Variants in PCDHGB4 observed in about 807,000 individuals in gnomAD.
PCDHGB4 encodes the protein protocadherin gamma-B4.
PCDHGB4 carries 38 observed loss-of-function variants against 60.5 expected under a neutral mutation model. That is an observed-to-expected ratio of 0.63 (90% CI 0.48 to 0.82). The LOEUF (loss-of-function observed/expected upper bound fraction) is 0.82. Ranked by LOEUF, PCDHGB4 falls within the 40% of genes least tolerant of loss-of-function variation. The pLI is 0.00. For missense variants in PCDHGB4, 1,109 were observed against 1,209.6 expected, an observed-to-expected ratio of 0.92 and a Z score of 1.23; for synonymous variants, 456 against 509.7, an observed-to-expected ratio of 0.89 and a Z score of 1.42.
At chr5:141,454,087 T>A (rs1251936767) in intron 1 of PCDHGB4, among the ~76,000 whole-genome samples, 4 of 152,198 alleles carry the variant, frequency 2.6e-5, no homozygotes, top group Non-Finnish European at 5.9e-5. Context: ...TCAGTGAAAT[T>A]TGAATTGAAC....
At chr5:141,428,147 G>A (rs771536400) in intron 1 of PCDHGB4, 2 of 1,589,610 alleles carry the variant, frequency 1.3e-6, no homozygotes, top group Admixed American at 1.7e-5. Context: ...GGCTGCACAC[G>A]GGAACCTGCT....
intron 1 of PCDHGB4, among the ~76,000 whole-genome samples, chr5:141,471,706 A>G (rs2099262749): frequency 6.6e-6 from 1 of 152,212 alleles, no homozygotes; most frequent in African/African-American, 2.4e-5. Context: ...CTGGAATAGA[A>G]GTGCCACTTA....
At chr5:141,443,109 C>A (rs373919534) in intron 1 of PCDHGB4, among the ~76,000 whole-genome samples, 2 of 152,100 alleles carry the variant, frequency 1.3e-5, no homozygotes, top group South Asian at 2.1e-4. Flanking sequence ...CTGAACCTTG[C>A]TTTTCAAACC....
At position 141,436,706 on chromosome 5, in the gene PCDHGB4, A is replaced by G. The variant is rs149478256; in HGVS notation, c.2397+46425A>G. 3.9e-3 allele frequency among the ~76,000 whole-genome samples: 587 copies of G among 152,318 alleles called. 6 individuals are homozygous for G. Among genetic ancestry groups the G allele is most frequent in the Admixed American group, 0.011 (169 of 15,304 alleles). On this transcript the variant is annotated intron_variant, in intron 1 of 3. Transcript: ENST00000519479. ...TATATTTTCAATGCCAGCACACTCG[A>G]TGTTCTGTTGGGAAAAATAATAATG...
chr5:141,486,400 T>G lies in PCDHGB4; in HGVS notation c.2398-8407T>G. On this transcript the variant is annotated intron_variant, in intron 1 of 3. Transcript: ENST00000519479. This position sits in a 1 kb window ranked among gnomAD's most constrained non-coding sequence, Gnocchi z 5.0. Reference sequence around the variant, plus strand: ...TCAGGAACCAGTTCTCCCTGGTGACTGCTGGACCCTTGGATCGAGAGGCCA... The same window carrying G: ...TCAGGAACCAGTTCTCCCTGGTGACGGCTGGACCCTTGGATCGAGAGGCCA... 5.0e-6 allele frequency: 8 copies of G among 1,614,194 alleles called. No homozygotes were observed. The highest frequency in any genetic ancestry group is 6.8e-6 in the Non-Finnish European group (8 of 1,180,028).
At chr5:141,437,761 C>T (rs1200327020) in intron 1 of PCDHGB4, among the ~76,000 whole-genome samples, 1 of 144,680 alleles carries the variant, frequency 6.9e-6, no homozygotes, top group African/African-American at 2.6e-5. Context: ...TTTTTTGAGA[C>T]AGAGTCTCAA....
At chr5:141,455,607 G>A (rs2098827849) in intron 1 of PCDHGB4, among the ~76,000 whole-genome samples, 1 of 152,248 alleles carries the variant, frequency 6.6e-6, no homozygotes, top group East Asian at 1.9e-4. Context: ...GGGCGCCATG[G>A]ATGTTCTAAA....
At chr5:141,400,394 G>A in intron 1 of PCDHGB4, 2 of 1,614,072 alleles carry the variant, frequency 1.2e-6, no homozygotes, top group Non-Finnish European at 1.7e-6. Context: ...GCACATACAG[G>A]AAAGACGGAG....
intron 1 of PCDHGB4, chr5:141,410,847 G>GTTTTTTT (rs773839667): frequency 8.8e-5 from 14 of 158,320 alleles, no homozygotes; most frequent in African/African-American, 4.2e-4. Flanking sequence ...TTTTGTCTTT[G>GTTTTTTT]TCTTTTTTTT....
rs992096722 is a variant in PCDHGB4, at chr5:141,413,506, A to G, written c.2397+23225A>G. 3 of 1,613,910 alleles carry G rather than the reference A, an allele frequency of 1.9e-6. No individual in the cohort carries two copies. The highest frequency in any genetic ancestry group is 2.7e-5 in the African/African-American group (2 of 74,954). On this transcript the variant is annotated intron_variant, in intron 1 of 3. Coordinates refer to ENST00000519479, the MANE Select transcript of PCDHGB4 (RefSeq NM_003736.4). ...GAGCGCGCGGTGCGTGGTGAGTTTT[A>G]ATATCCTTGTGGAAGACAGGGTGAA... is the stretch of plus-strand genomic sequence containing the variant.
intron 2 of PCDHGB4, among the ~76,000 whole-genome samples, chr5:141,504,422 T>G (rs1375202110): frequency 6.6e-6 from 1 of 152,078 alleles, no homozygotes; most frequent in Admixed American, 6.6e-5. Context: ...AGACAGGCAC[T>G]ACAACAGCTG....
chr5:141,476,366 G>T lies in PCDHGB4; in HGVS notation c.2398-18441G>T, dbSNP rs1025903110. The T allele has an allele frequency of 6.2e-7, 1 of 1,614,026 alleles. No individual in the cohort carries two copies. The highest frequency in any genetic ancestry group is 8.5e-7 in the Non-Finnish European group (1 of 1,180,028). On this transcript the variant is annotated intron_variant, in intron 1 of 3. Coordinates refer to ENST00000519479, the MANE Select transcript of PCDHGB4 (RefSeq NM_003736.4). The surrounding 1 kb of genome is among the most constrained non-coding windows in gnomAD (Gnocchi z 7.6). The stretch of plus-strand genomic sequence containing the variant: ...ATTCTTTGAGGTGAACCGGGAGACC[G>T]GAGAGATGTTTGTGAACGACCGTCT...
chr5:141,400,120 C>G, intron 1 of PCDHGB4: 1 of 1,614,076 alleles, frequency 6.2e-7, no homozygotes, highest in Non-Finnish European at 8.5e-7. Context: ...TGACAGCTTG[C>G]AGGAGGTGCT....
At chr5:141,455,503 T>C (rs1005615473) in intron 1 of PCDHGB4, among the ~76,000 whole-genome samples, 3 of 152,302 alleles carry the variant, frequency 2.0e-5, no homozygotes, top group Middle Eastern at 3.4e-3. Context: ...CTGATTTGCA[T>C]AGGGCTCAGG....
rs746311453 is a variant in PCDHGB4 at position 141,428,229 on chromosome 5, C to T, written c.2397+37948C>T. On this transcript the variant is annotated intron_variant, in intron 1 of 3. Coordinates refer to ENST00000519479, the MANE Select transcript of PCDHGB4 (RefSeq NM_003736.4). ...CGCTTCACCTAGTCTTCGCAGACAGCCTGCAGGAGGCACTGCCAGACTTCA... is the reference window on the plus strand; with the variant it reads ...CGCTTCACCTAGTCTTCGCAGACAGTCTGCAGGAGGCACTGCCAGACTTCA... 3 of 1,098,554 alleles carry T rather than the reference C, an allele frequency of 2.7e-6. No homozygotes were observed. In the South Asian group the frequency reaches 3.9e-5, roughly 14 times the overall value. The allele number at this position is 1,098,554 out of a possible 1,614,324, so 68.1% of individuals were successfully genotyped here.
chr5:141,411,868 A>AG (rs1463496640), intron 1 of PCDHGB4: 1 of 152,224 alleles, frequency 6.6e-6, no homozygotes, highest in East Asian at 1.9e-4. Flanking sequence ...TCAAAAAAAA[A>AG]AGACATTTCT....
At chr5:141,452,948 G>A (rs2098752873) in intron 1 of PCDHGB4, among the ~76,000 whole-genome samples, 1 of 152,134 alleles carries the variant, frequency 6.6e-6, no homozygotes, top group African/African-American at 2.4e-5. Context: ...CTTGCAATTG[G>A]TTGTCTTTAA....
At chr5:141,438,627 TATATATATAC>T (rs572501359) in intron 1 of PCDHGB4, among the ~76,000 whole-genome samples, 778 of 47,938 alleles carry the variant, frequency 0.016, 4 homozygotes, top group East Asian at 0.059. Context: ...TATATATATA[TATATATATAC>T]ACACACACAC....
At chr5:141,492,933 A>G (rs935580560) in intron 1 of PCDHGB4, among the ~76,000 whole-genome samples, 3 of 152,194 alleles carry the variant, frequency 2.0e-5, no homozygotes, top group Admixed American at 6.5e-5. Flanking sequence ...CTAGGGTCAG[A>G]GATTTGGAGG....
Sources: allele counts gnomAD v4.1 joint callset (sites outside exome capture counted in the v4.1 genomes callset), GRCh38; gene constraint gnomAD v4.1.1; non-coding constraint Gnocchi (gnomAD v3.1); transcripts MANE v1.5; gene names NCBI Gene and HGNC (gene_info 2026-07-23, HGNC 2026-07-21).